The following HEMK2 variants were observed in gnomAD, a reference collection of about 807,000 sequenced individuals.
HEMK2 encodes HemK methyltransferase 2, ETF1 glutamine and histone H4 lysine.
chr21:28,879,797 G>A, the HEMK2 span: 3 of 1,118,010 alleles, frequency 2.7e-6, no homozygotes, highest in Non-Finnish European at 2.5e-6. Context: ...TGATGTCATA[G>A]GATGACATTC....
chr21:28,864,913 T>TATAGATAGATAG, the HEMK2 span, among the ~76,000 whole-genome samples: 18,375 of 144,224 alleles, frequency 0.13, 1,473 homozygotes, highest in Non-Finnish European at 0.15. Flanking sequence ...AGATAGATGA[T>TATAGATAGATAG]ATAGATAGAT....
At chr21:28,696,908 G>C in the HEMK2 span, among the ~76,000 whole-genome samples, 2 of 152,234 alleles carry the variant, frequency 1.3e-5, no homozygotes, top group Non-Finnish European at 2.9e-5. Flanking sequence ...GCTGTACCTT[G>C]GCCTCTTCTA....
At chr21:28,794,037 G>A in the HEMK2 span, among the ~76,000 whole-genome samples, 2 of 152,246 alleles carry the variant, frequency 1.3e-5, no homozygotes, top group African/African-American at 4.8e-5. Context: ...GTGGTAATTT[G>A]TTACAGCAGA....
chr21:28,834,701 G>A, the HEMK2 span, among the ~76,000 whole-genome samples: 3 of 152,308 alleles, frequency 2.0e-5, no homozygotes, highest in East Asian at 5.8e-4. Context: ...GGCAAGGGAA[G>A]ACCCAAGCCC....
At chr21:28,869,380 C>CT in the HEMK2 span, among the ~76,000 whole-genome samples, 128,263 of 151,984 alleles carry the variant, frequency 0.84, 54,545 homozygotes, top group South Asian at 0.93. Context: ...AAGTTTTCTT[C>CT]TTTTTTCCTC....
chr21:28,829,049 T>TA, the HEMK2 span, among the ~76,000 whole-genome samples: 1 of 152,174 alleles, frequency 6.6e-6, no homozygotes, highest in African/African-American at 2.4e-5. Context: ...TGGGGATTTA[T>TA]AAAAATTGCT....
chr21:28,645,241 T>C, the HEMK2 span, among the ~76,000 whole-genome samples: 46 of 152,278 alleles, frequency 3.0e-4, no homozygotes, highest in East Asian at 8.5e-3. Flanking sequence ...GGAAATTCAT[T>C]TAGGGAGGGT....
At chr21:28,744,074 G>A in the HEMK2 span, among the ~76,000 whole-genome samples, 1 of 151,948 alleles carries the variant, frequency 6.6e-6, no homozygotes, top group South Asian at 2.1e-4. Flanking sequence ...AGCAGATACT[G>A]AGGCCTACTT....
chr21:28,829,950 T>A, the HEMK2 span, among the ~76,000 whole-genome samples: 1 of 152,120 alleles, frequency 6.6e-6, no homozygotes, highest in Non-Finnish European at 1.5e-5. Context: ...CAACTCCCAA[T>A]ACGGAATCCT....
the HEMK2 span, among the ~76,000 whole-genome samples, chr21:28,611,185 A>C: frequency 0.023 from 3,556 of 152,236 alleles, 157 homozygotes; most frequent in African/African-American, 0.081. Context: ...AGAAAATCAA[A>C]ACTATAGCAA....
chr21:28,677,339 G>A, the HEMK2 span, among the ~76,000 whole-genome samples: 4 of 152,330 alleles, frequency 2.6e-5, no homozygotes, highest in Admixed American at 1.3e-4. Context: ...AGGTGGCAGC[G>A]AGGCTGGGGG....
chr21:28,699,211 T>A, the HEMK2 span, among the ~76,000 whole-genome samples: 6 of 152,222 alleles, frequency 3.9e-5, no homozygotes, highest in South Asian at 1.0e-3. Context: ...ACTGTCTTAG[T>A]CTGTTTGTGT....
chr21:28,600,108 G>A, the HEMK2 span, among the ~76,000 whole-genome samples: 1 of 152,228 alleles, frequency 6.6e-6, no homozygotes, highest in Non-Finnish European at 1.5e-5. Context: ...CTGGGATCTG[G>A]AGGACAATGG....
chr21:28,644,236 G>GAAT, the HEMK2 span, among the ~76,000 whole-genome samples: 2 of 152,306 alleles, frequency 1.3e-5, no homozygotes, highest in Admixed American at 1.3e-4. Flanking sequence ...GCAGGAAGAA[G>GAAT]AATAACCAAT....
At chr21:28,878,369 CAA>C in the HEMK2 span, 1 of 1,609,616 alleles carries the variant, frequency 6.2e-7, no homozygotes, top group South Asian at 1.1e-5. Flanking sequence ...TCTTTTAACT[CAA>C]GTTTGATTTA....
At chr21:28,736,418 G>T in the HEMK2 span, among the ~76,000 whole-genome samples, 1 of 152,204 alleles carries the variant, frequency 6.6e-6, no homozygotes, top group African/African-American at 2.4e-5. Context: ...GAGCCTAGAA[G>T]TGGGGAGCTG....
At chr21:28,641,553 G>A in the HEMK2 span, among the ~76,000 whole-genome samples, 3 of 152,102 alleles carry the variant, frequency 2.0e-5, no homozygotes. Context: ...AGACAATGAT[G>A]GATAGAAGGT....
At chr21:28,801,090 A>G in the HEMK2 span, among the ~76,000 whole-genome samples, 2 of 152,272 alleles carry the variant, frequency 1.3e-5, no homozygotes, top group African/African-American at 2.4e-5. Context: ...ACAGGGCACC[A>G]GCTTCACACT....
At chr21:28,881,320 C>T in the HEMK2 span, among the ~76,000 whole-genome samples, 4 of 152,186 alleles carry the variant, frequency 2.6e-5, no homozygotes, top group Admixed American at 6.5e-5. Flanking sequence ...AACTATGAGG[C>T]ATTTTGAAGC....
Sources: allele counts gnomAD v4.1 joint callset (sites outside exome capture counted in the v4.1 genomes callset), GRCh38; gene constraint gnomAD v4.1.1; transcripts MANE v1.5; gene names NCBI Gene and HGNC (gene_info 2026-07-23, HGNC 2026-07-21).